TBPL1: variants seen among roughly 807,000 people sequenced by gnomAD.
TBPL1 encodes TATA-box binding protein like 1, also known as TATA box-binding protein-like 1.
A neutral mutation model predicts 22.1 loss-of-function variants in TBPL1; 4 were observed. The observed-to-expected ratio is 0.18, with a 90% confidence interval of 0.09 to 0.41. The LOEUF (loss-of-function observed/expected upper bound fraction) is 0.41, where lower values mean the gene tolerates loss of function less well. TBPL1 is among the 10% of genes least tolerant of loss of function. TBPL1 has a pLI of 1.00. For missense variants in TBPL1, 115 were observed against 222.3 expected, an observed-to-expected ratio of 0.52 and a Z score of 3.07; for synonymous variants, 64 against 71.0, an observed-to-expected ratio of 0.90 and a Z score of 0.50.
In TBPL1 at chr6:133,987,334, G is replaced by A. The variant is rs1263775365; in HGVS notation, c.*294G>A. 5.2e-6 allele frequency: 1 copy of A among 191,896 alleles called. No individual in the cohort carries two copies. Among genetic ancestry groups the A allele is most frequent in the Non-Finnish European group, 1.1e-5 (1 of 94,064 alleles). 11.9% of individuals were successfully genotyped at this position (191,896 alleles called of 1,614,324 possible). A position where few individuals can be genotyped will look rare whatever the true frequency, so the allele number is the denominator to read the frequency against. On this transcript the variant is annotated 3_prime_UTR_variant, in exon 7 of 7. Coordinates refer to ENST00000237264, the MANE Select transcript of TBPL1 (RefSeq NM_004865.4). ...GTCACAGTGTGCACTACCTTAGATT[G>A]TTTTATTGTCGTCATTGTTATTTTT... is the stretch of plus-strand genomic sequence containing the variant.
rs370646495 is a variant in TBPL1 at position 133,981,164 on chromosome 6, G to A, written c.135+904G>A. Among the ~76,000 whole-genome samples the A allele has an allele frequency of 5.5e-4, 84 of 151,846 alleles. 2 individuals are homozygous for A. The highest frequency in any genetic ancestry group is 1.9e-3 in the African/African-American group (80 of 41,412). On this transcript the variant is annotated intron_variant, in intron 2 of 6. Transcript: ENST00000237264. ...ATTTTTGTATTTTTAGTAGAGACGG[G>A]GTTTCACCGTGTTGGCCAGGATGGT...
chr6:133,982,243 T>C (rs1434274864), intron 2 of TBPL1, among the ~76,000 whole-genome samples: 1 of 152,216 alleles, frequency 6.6e-6, no homozygotes, highest in African/African-American at 2.4e-5. Context: ...TTGGTGTGTG[T>C]GAAGAACCAT....
intron 2 of TBPL1, 107 bp from the exon 3 acceptor site, chr6:133,982,461 T>A (rs938087475): frequency 9.1e-6 from 8 of 879,932 alleles, no homozygotes; most frequent in Non-Finnish European, 1.4e-5. Context: ...TATTGCAGTC[T>A]TGGATAAGCT....
chr6:133,985,107 G>A (rs994042503), intron 6 of TBPL1, among the ~76,000 whole-genome samples: 6 of 150,724 alleles, frequency 4.0e-5, no homozygotes, highest in African/African-American at 7.3e-5. Flanking sequence ...GTGAAACCCC[G>A]TCTCTACTAA....
intron 1 of TBPL1, among the ~76,000 whole-genome samples, chr6:133,958,741 A>G (rs1775968065): frequency 6.6e-6 from 1 of 152,110 alleles, no homozygotes; most frequent in Non-Finnish European, 1.5e-5. Context: ...GTTGAAATCC[A>G]TTTTTATAAA....
intron 1 of TBPL1, among the ~76,000 whole-genome samples, chr6:133,975,257 A>G (rs1216176320): frequency 6.6e-6 from 1 of 152,154 alleles, no homozygotes; most frequent in Admixed American, 6.5e-5. Flanking sequence ...GAGACTTTAA[A>G]AGATTATTAA....
chr6:133,979,523 C>T (rs1776371650), intron 1 of TBPL1, among the ~76,000 whole-genome samples: 1 of 152,118 alleles, frequency 6.6e-6, no homozygotes, highest in Non-Finnish European at 1.5e-5. Context: ...GTCTGGCAAG[C>T]TCCTGTCAAG....
chr6:133,976,231 A>G (rs1190898480), intron 1 of TBPL1, among the ~76,000 whole-genome samples: 2 of 152,218 alleles, frequency 1.3e-5, no homozygotes, highest in Non-Finnish European at 2.9e-5. Flanking sequence ...AATTAAACGA[A>G]ATAATTTGGA....
chr6:133,973,674 T>A (rs1201638741), intron 1 of TBPL1, among the ~76,000 whole-genome samples: 2 of 152,226 alleles, frequency 1.3e-5, no homozygotes, highest in African/African-American at 4.8e-5. Flanking sequence ...TGATGTGTTC[T>A]TGTACACAAA....
chr6:133,966,611 C>T (rs192604886), intron 1 of TBPL1, among the ~76,000 whole-genome samples: 40 of 152,270 alleles, frequency 2.6e-4, no homozygotes, highest in Admixed American at 1.9e-3. Context: ...TGTCCAAAAC[C>T]GAATTGTTAA....
At position 133,988,930 on chromosome 6, in the gene TBPL1, A is replaced by T. The variant is rs912714148; in HGVS notation, c.*1890A>T. 3 of 152,300 alleles carry T rather than the reference A, an allele frequency of 2.0e-5. No homozygotes were observed. Among genetic ancestry groups the T allele is most frequent in the African/African-American group, 7.2e-5 (3 of 41,572 alleles). The allele number at this position is 152,300 out of a possible 1,614,324, so 9.4% of individuals were successfully genotyped here. ...AAAAGAAACATAGAATAGGGGGAAA[A>T]CATGCTTATATAGCCAAGGTACAGA... On this transcript the variant is annotated 3_prime_UTR_variant, in exon 7 of 7. Transcript: ENST00000237264.
At chr6:133,982,944 A>G in intron 4 of TBPL1, 64 bp downstream of exon 4, 2 of 1,452,988 alleles carry the variant, frequency 1.4e-6, no homozygotes. Context: ...AGAATTAAAA[A>G]TTGTAATAGA....
Position 133,972,612 on chromosome 6 carries a change from T to C in TBPL1, c.-44-7470T>C, listed in dbSNP as rs141463782. Among the ~76,000 whole-genome samples the C allele has an allele frequency of 8.5e-5, 13 of 152,318 alleles. No homozygotes were observed. The East Asian group carries it at 2.1e-3, about 25-fold the overall frequency. ...GCATGGCTGTGTTCCAATAAAACTT[T>C]TGCAAAACAGGCACTGGCCCATTGG... On this transcript the variant is annotated intron_variant, in intron 1 of 6. Coordinates refer to ENST00000237264, the MANE Select transcript of TBPL1 (RefSeq NM_004865.4).
intron 1 of TBPL1, among the ~76,000 whole-genome samples, chr6:133,953,654 T>C (rs575453823): frequency 6.6e-6 from 1 of 152,080 alleles, no homozygotes; most frequent in East Asian, 1.9e-4. Context: ...TTTGGGGATC[T>C]CTTTAGGGAT....
At chr6:133,963,677 T>C (rs1378340388) in intron 1 of TBPL1, among the ~76,000 whole-genome samples, 5 of 152,042 alleles carry the variant, frequency 3.3e-5, no homozygotes, top group Non-Finnish European at 7.4e-5. Context: ...CACCTTGGCC[T>C]CCCAAAGTGC....
chr6:133,986,865 A>C (rs369960515), intron 6 of TBPL1, 96 bp from the exon 7 acceptor site: 2 of 777,816 alleles, frequency 2.6e-6, no homozygotes, highest in Non-Finnish European at 4.1e-6. Flanking sequence ...TTGATATTCT[A>C]TACCACTTGA....
intron 1 of TBPL1, among the ~76,000 whole-genome samples, chr6:133,978,770 T>A (rs229918): frequency 2.0e-5 from 3 of 152,218 alleles, no homozygotes; most frequent in Admixed American, 2.0e-4. Context: ...ATCAGAAACT[T>A]AAAGGCAGAG....
At chr6:133,960,901 T>C (rs1235385580) in intron 1 of TBPL1, among the ~76,000 whole-genome samples, 2 of 152,194 alleles carry the variant, frequency 1.3e-5, no homozygotes, top group African/African-American at 2.4e-5. Flanking sequence ...ATGCTGAAGG[T>C]CAGTAGGTGT....
intron 1 of TBPL1, among the ~76,000 whole-genome samples, chr6:133,974,170 T>TA (rs1419675018): frequency 2.6e-5 from 4 of 152,240 alleles, no homozygotes; most frequent in Non-Finnish European, 4.4e-5. Context: ...TATGGACCTC[T>TA]GTCTACATCT....
Sources: allele counts gnomAD v4.1 joint callset (sites outside exome capture counted in the v4.1 genomes callset), GRCh38; gene constraint gnomAD v4.1.1; transcripts MANE v1.5; gene names NCBI Gene and HGNC (gene_info 2026-07-23, HGNC 2026-07-21).